The following EPB41L2 variants were observed in gnomAD, a reference collection of about 807,000 sequenced individuals.
The protein encoded by EPB41L2 is band 4.1-like protein 2.
EPB41L2 carries 43 observed loss-of-function variants against 113.0 expected under a neutral mutation model. That is an observed-to-expected ratio of 0.38 (90% CI 0.30 to 0.49). The LOEUF is 0.49. Among genes scored for constraint, EPB41L2 ranks in the 20% least tolerant of loss-of-function variants. EPB41L2 has a pLI of 0.95. For synonymous variants in EPB41L2, 442 were observed against 436.7 expected, an observed-to-expected ratio of 1.01 and a Z score of -0.15; for missense variants, 1,147 against 1,223.4, an observed-to-expected ratio of 0.94 and a Z score of 0.93.
chr6:131,060,968 G>T (rs1055547070), intron 1 of EPB41L2, among the ~76,000 whole-genome samples: 2 of 152,146 alleles, frequency 1.3e-5, no homozygotes, highest in Admixed American at 1.3e-4. Flanking sequence ...AGCTTTAACT[G>T]ATTTTTTAAA....
chr6:131,040,600 C>G (rs1329388207), intron 1 of EPB41L2, among the ~76,000 whole-genome samples: 1 of 152,128 alleles, frequency 6.6e-6, no homozygotes, highest in Admixed American at 6.5e-5. Flanking sequence ...CGTCAAGGAA[C>G]TAACTATTTG....
intron 3 of EPB41L2, among the ~76,000 whole-genome samples, chr6:130,940,340 T>C (rs926475793): frequency 1.6e-4 from 24 of 152,230 alleles, no homozygotes; most frequent in African/African-American, 5.5e-4. Flanking sequence ...TACGCAAGGA[T>C]ATATTAAAAC....
intron 1 of EPB41L2, among the ~76,000 whole-genome samples, chr6:130,994,984 G>A (rs1782736831): frequency 6.6e-6 from 1 of 150,924 alleles, no homozygotes; most frequent in Admixed American, 6.6e-5. Context: ...CACCTTTCCA[G>A]ACAGAACCTA....
intron 14 of EPB41L2, among the ~76,000 whole-genome samples, chr6:130,874,830 A>G (rs910501736): frequency 6.6e-6 from 1 of 152,160 alleles, no homozygotes; most frequent in African/African-American, 2.4e-5. Flanking sequence ...GAAAAATGAT[A>G]ATAATTTTAA....
chr6:130,841,369 T>C (rs1165531928), intron 19 of EPB41L2, among the ~76,000 whole-genome samples: 1 of 152,150 alleles, frequency 6.6e-6, no homozygotes, highest in Non-Finnish European at 1.5e-5. Context: ...ATGCAGGGCA[T>C]GATAAGCCCA....
intron 1 of EPB41L2, among the ~76,000 whole-genome samples, chr6:131,008,944 A>T (rs1466474024): frequency 6.6e-6 from 1 of 152,218 alleles, no homozygotes; most frequent in African/African-American, 2.4e-5. Context: ...GCCTTGTCTC[A>T]GATAAGACTT....
intron 1 of EPB41L2, among the ~76,000 whole-genome samples, chr6:131,060,563 G>C (rs530747255): frequency 1.1e-4 from 17 of 152,272 alleles, no homozygotes; most frequent in Non-Finnish European, 2.2e-4. Flanking sequence ...ATTTGGAAAG[G>C]GTAAGCCACA....
intron 17 of EPB41L2, among the ~76,000 whole-genome samples, chr6:130,864,857 CAAAGT>C (rs1213201245): frequency 1.3e-5 from 2 of 152,018 alleles, no homozygotes; most frequent in African/African-American, 4.8e-5. Flanking sequence ...GACACTTATC[CAAAGT>C]AAAAAACAGA....
rs17059853 is a variant in EPB41L2, at chr6:130,954,385, A to G, written c.705+720T>C. Among the ~76,000 whole-genome samples the G allele has an allele frequency of 0.02, 3,041 of 152,146 alleles. 197 individuals carry two copies. The East Asian group carries it at 0.26, about 13-fold the overall frequency. ...TTTGGGCAAGGAATTTAACTTCTCT[A>G]AGCCCTAAGTTCCCCGTTGTAACAT... On this transcript the variant is annotated intron_variant, in intron 3 of 19. Transcript: ENST00000337057.
chr6:130,855,537 G>A (rs886454986), intron 19 of EPB41L2, among the ~76,000 whole-genome samples: 1 of 152,090 alleles, frequency 6.6e-6, no homozygotes, highest in African/African-American at 2.4e-5. Context: ...CAGATATGAA[G>A]AGTCAGGTTG....
chr6:130,948,350 G>A (rs1195843152), intron 3 of EPB41L2, among the ~76,000 whole-genome samples: 2 of 152,096 alleles, frequency 1.3e-5, no homozygotes, highest in Non-Finnish European at 2.9e-5. Flanking sequence ...ATAAGAAATT[G>A]TTGTTTTTGT....
chr6:131,007,283 A>T (rs1024593126), intron 1 of EPB41L2, among the ~76,000 whole-genome samples: 2 of 152,192 alleles, frequency 1.3e-5, no homozygotes, highest in African/African-American at 4.8e-5. Flanking sequence ...CCCTTCGCTC[A>T]GCACTCATTC....
intron 3 of EPB41L2, among the ~76,000 whole-genome samples, chr6:130,944,015 A>G (rs1811814127): frequency 6.6e-6 from 1 of 152,170 alleles, no homozygotes; most frequent in Non-Finnish European, 1.5e-5. Flanking sequence ...AATCTTTTGT[A>G]GAAACATAAT....
At chr6:131,003,815 C>CG (rs1454132549) in intron 1 of EPB41L2, among the ~76,000 whole-genome samples, 1 of 152,008 alleles carries the variant, frequency 6.6e-6, no homozygotes, top group African/African-American at 2.4e-5. Flanking sequence ...CAGGTTATAT[C>CG]GGAAAAAAAG....
Position 130,840,421 on chromosome 6 carries a change from T to C in EPB41L2, c.*183A>G, listed in dbSNP as rs952057256. On this transcript the variant is annotated 3_prime_UTR_variant, in exon 20 of 20. Coordinates refer to ENST00000337057, the MANE Select transcript of EPB41L2 (RefSeq NM_001431.4). ...TAATATATTAAATGCATGGGAGCAA[T>C]ATAGACCAGAGCTGGTAAGGAAAGG... is the stretch of plus-strand genomic sequence containing the variant. 1.3e-5 allele frequency: 2 copies of C among 152,140 alleles called. No individual in the cohort carries two copies. Among genetic ancestry groups the C allele is most frequent in the African/African-American group, 4.8e-5 (2 of 41,428 alleles). The allele number at this position is 152,140 out of a possible 1,614,324, so 9.4% of individuals were successfully genotyped here. A position where few individuals can be genotyped will look rare whatever the true frequency, so the allele number is the denominator to read the frequency against.
At chr6:130,841,365 GGCATGATAA>G (rs1396648742) in intron 19 of EPB41L2, among the ~76,000 whole-genome samples, 5 of 152,148 alleles carry the variant, frequency 3.3e-5, no homozygotes, top group Non-Finnish European at 5.9e-5. Flanking sequence ...AGTCATGCAG[GGCATGATAA>G]GCCCAGGAAA....
chr6:130,864,490 C>A (rs1472112760), intron 17 of EPB41L2, among the ~76,000 whole-genome samples: 1 of 152,118 alleles, frequency 6.6e-6, no homozygotes, highest in Admixed American at 6.5e-5. Flanking sequence ...TGCCTCACAG[C>A]GTTATGGGCT....
chr6:130,872,082 T>C (rs1785880721), intron 14 of EPB41L2, among the ~76,000 whole-genome samples: 1 of 152,244 alleles, frequency 6.6e-6, no homozygotes, highest in South Asian at 2.1e-4. Flanking sequence ...GCATATCTGG[T>C]TGAGGGTTTC....
intron 3 of EPB41L2, among the ~76,000 whole-genome samples, chr6:130,942,088 T>A (rs934425220): frequency 6.6e-6 from 1 of 152,244 alleles, no homozygotes; most frequent in Non-Finnish European, 1.5e-5. Context: ...TATACCGCAT[T>A]CAATCCCTTT....
Sources: allele counts gnomAD v4.1 joint callset (sites outside exome capture counted in the v4.1 genomes callset), GRCh38; gene constraint gnomAD v4.1.1; transcripts MANE v1.5; gene names NCBI Gene and HGNC (gene_info 2026-07-23, HGNC 2026-07-21).